The following CELF4 variants were observed in gnomAD, a reference collection of about 807,000 sequenced individuals.
The protein encoded by CELF4 is CUG-BP- and ETR-3-like factor 4.
Under a neutral mutation model 59.9 loss-of-function variants are expected in CELF4, and 18 were observed. The ratio of observed to expected loss-of-function variants is 0.30; its 90% CI spans 0.21 to 0.45. CELF4 has a LOEUF of 0.45. Ranked by LOEUF, CELF4 falls within the 20% of genes least tolerant of loss-of-function variation. The pLI is 1.00. For missense variants in CELF4, 456 were observed against 689.0 expected (o/e 0.66, Z 3.79); for synonymous variants, 261 against 267.1 (o/e 0.98, Z 0.22).
chr18:37,351,621 T>C (rs1207424699), intron 2 of CELF4, among the ~76,000 whole-genome samples: 14 of 150,870 alleles, frequency 9.3e-5, no homozygotes, highest in Non-Finnish European at 1.9e-4. Context: ...CTTTTTTTTT[T>C]TTTTTTTGAG....
intron 1 of CELF4, among the ~76,000 whole-genome samples, chr18:37,494,638 C>G (rs546307159): frequency 1.3e-5 from 2 of 152,166 alleles, no homozygotes; most frequent in Non-Finnish European, 2.9e-5. Flanking sequence ...GGGTGCGTAT[C>G]GTCGGCATCT....
At chr18:37,564,531 T>C (rs1394365503) in intron 1 of CELF4, among the ~76,000 whole-genome samples, 1 of 152,124 alleles carries the variant, frequency 6.6e-6, no homozygotes, top group Admixed American at 6.5e-5. Context: ...TAATGTACTA[T>C]AAAGCTCTCT....
rs772139097 is a variant in CELF4, at chr18:37,270,837, G to C, written c.1030C>G (p.Leu344Val). The change falls in exon 8 of 13, where the codon CTC (leucine) becomes GTC (valine). Residue 344 changes from leucine to valine, a missense_variant. Leu to Val is a conservative substitution (Grantham distance 32). Transcript: ENST00000420428. ...GGTTGCCCATTGGCCTGTGGGGGGA[G>C]GCCGGTGAAGCCATTCACCCCAATG... ...SPIGVNGFTGLPPQANGQPAA... is the reference protein window; with the variant it reads ...SPIGVNGFTGVPPQANGQPAA... 6.2e-7 allele frequency: 1 copy of C among 1,613,864 alleles called. No homozygotes were observed. Among genetic ancestry groups the C allele is most frequent in the Non-Finnish European group, 8.5e-7 (1 of 1,179,982 alleles).
chr18:37,274,998 G>A, intron 4 of CELF4, 114 bp from the exon 5 acceptor site: 1 of 1,536,906 alleles, frequency 6.5e-7, no homozygotes, highest in African/African-American at 1.4e-5. Context: ...TTGAGAAAGA[G>A]ACACCAAGAA....
At chr18:37,352,587 T>A (rs1320933927) in intron 2 of CELF4, among the ~76,000 whole-genome samples, 1 of 151,296 alleles carries the variant, frequency 6.6e-6, no homozygotes, top group African/African-American at 2.4e-5. Context: ...AATGAGACCC[T>A]GCCTCTAAAA....
At chr18:37,247,373 G>A (rs56332981) in intron 12 of CELF4, 1 of 150,852 alleles carries the variant, frequency 6.6e-6, no homozygotes, top group Non-Finnish European at 1.5e-5. Flanking sequence ...GAGAGTGTGG[G>A]TGGGGGAAGG....
At chr18:37,286,022 C>T (rs977000931) in intron 3 of CELF4, among the ~76,000 whole-genome samples, 4 of 151,880 alleles carry the variant, frequency 2.6e-5, no homozygotes, top group South Asian at 2.1e-4. Flanking sequence ...TTACATCATG[C>T]GGGAGCATAA....
intron 2 of CELF4, among the ~76,000 whole-genome samples, chr18:37,432,595 G>T (rs1438130010): frequency 6.6e-6 from 1 of 152,170 alleles, no homozygotes; most frequent in East Asian, 1.9e-4. Context: ...TGAAAGATGC[G>T]CAGGAGAATA....
chr18:37,353,907 C>T (rs2098514920), intron 2 of CELF4, among the ~76,000 whole-genome samples: 1 of 152,002 alleles, frequency 6.6e-6, no homozygotes, highest in East Asian at 1.9e-4. Flanking sequence ...CAGGCACTCA[C>T]CACACGCCCA....
chr18:37,257,812 T>A (rs934761500), intron 11 of CELF4, among the ~76,000 whole-genome samples: 2 of 152,118 alleles, frequency 1.3e-5, no homozygotes, highest in Non-Finnish European at 2.9e-5. Context: ...CTCTGGGGAC[T>A]GGACTCTTCA....
chr18:37,410,727 G>T (rs747331604), intron 2 of CELF4, among the ~76,000 whole-genome samples: 1 of 152,224 alleles, frequency 6.6e-6, no homozygotes, highest in Non-Finnish European at 1.5e-5. Context: ...CTTAGGGTGC[G>T]TGAGTCAGCC....
intron 1 of CELF4, among the ~76,000 whole-genome samples, chr18:37,531,545 A>C (rs1233724801): frequency 5.3e-5 from 8 of 152,236 alleles, no homozygotes; most frequent in Non-Finnish European, 1.0e-4. Flanking sequence ...GCCTTTGATT[A>C]ATAAAAAATG....
At chr18:37,396,126 C>G (rs2099242205) in intron 2 of CELF4, among the ~76,000 whole-genome samples, 1 of 152,220 alleles carries the variant, frequency 6.6e-6, no homozygotes. Context: ...TTCTTTCTCT[C>G]TGTCCATAAG....
At chr18:37,499,581 C>G (rs1539852) in intron 1 of CELF4, among the ~76,000 whole-genome samples, 8,038 of 152,296 alleles carry the variant, frequency 0.053, 286 homozygotes, top group South Asian at 0.085. Context: ...TACCTGTTGA[C>G]TTCTCAAGCG....
At chr18:37,267,974 T>C (rs1347332022) in intron 8 of CELF4, among the ~76,000 whole-genome samples, 2 of 151,834 alleles carry the variant, frequency 1.3e-5, no homozygotes, top group African/African-American at 4.8e-5. Context: ...GAGGCGGAGG[T>C]TGCAGTGAAC....
chr18:37,444,690 T>A (rs1300848965), intron 2 of CELF4, among the ~76,000 whole-genome samples: 1 of 133,440 alleles, frequency 7.5e-6, no homozygotes, highest in Non-Finnish European at 1.6e-5. Flanking sequence ...AGGAGGGAGG[T>A]GGGGAGGTGC....
At chr18:37,299,889 C>T (rs538598911) in intron 3 of CELF4, among the ~76,000 whole-genome samples, 37 of 152,202 alleles carry the variant, frequency 2.4e-4, no homozygotes, top group African/African-American at 8.9e-4. Context: ...ACAGAGCTCC[C>T]GGGCCCATAC....
At chr18:37,467,042 C>A (rs946085670) in intron 2 of CELF4, among the ~76,000 whole-genome samples, 2 of 152,106 alleles carry the variant, frequency 1.3e-5, no homozygotes, top group African/African-American at 4.8e-5. Flanking sequence ...AGCTAATGAT[C>A]ACAAGATGAG....
chr18:37,423,367 C>T (rs1364918525), intron 2 of CELF4, among the ~76,000 whole-genome samples: 1 of 152,148 alleles, frequency 6.6e-6, no homozygotes, highest in Non-Finnish European at 1.5e-5. Flanking sequence ...GGGGGACTGG[C>T]TTTCACATGG....
Sources: gnomAD v4.1 joint callset for allele counts (sites outside exome capture counted in the v4.1 genomes callset) on GRCh38, gnomAD v4.1.1 for gene constraint, MANE v1.5 for transcripts, NCBI Gene and HGNC (gene_info 2026-07-23, HGNC 2026-07-21) for gene names.